DUSP14: variants seen among roughly 807,000 people sequenced by gnomAD.
The protein encoded by DUSP14 is dual specificity phosphatase 14.
Under a neutral mutation model 13.2 loss-of-function variants are expected in DUSP14, and 5 were observed. The ratio of observed to expected loss-of-function variants is 0.38; its 90% CI spans 0.20 to 0.80. The LOEUF is 0.80. Ranked by LOEUF, DUSP14 falls within the 30% of genes least tolerant of loss-of-function variation. DUSP14 has a pLI of 0.44. For synonymous variants in DUSP14, 91 were observed against 103.4 expected (o/e 0.88, Z 0.73); for missense variants, 185 against 264.0 (o/e 0.70, Z 2.07).
intron 1 of DUSP14, among the ~76,000 whole-genome samples, chr17:37,495,433 A>G (rs1416681373): frequency 1.3e-5 from 2 of 152,186 alleles, no homozygotes; most frequent in African/African-American, 2.4e-5. Context: ...GTCCCAGAAC[A>G]GTTTCAGCAT....
At chr17:37,490,836 A>G (rs916438031) in intron 1 of DUSP14, among the ~76,000 whole-genome samples, 2 of 152,062 alleles carry the variant, frequency 1.3e-5, no homozygotes, top group African/African-American at 4.8e-5. Context: ...CGTTTTACAG[A>G]TGTAAAAACG....
Position 37,513,105 on chromosome 17 carries a change from T to G in DUSP14, c.*236T>G. Reference sequence around the variant, plus strand: ...TTGGAATAGTGTTTATGGAAATCTTTAGCTTTTAATCATTTTTACCAATTT... The same window carrying G: ...TTGGAATAGTGTTTATGGAAATCTTGAGCTTTTAATCATTTTTACCAATTT... On this transcript the variant is annotated 3_prime_UTR_variant, in exon 3 of 3. Coordinates refer to ENST00000617516, the MANE Select transcript of DUSP14 (RefSeq NM_007026.4). 1.9e-6 allele frequency: 1 copy of G among 537,876 alleles called. No individual in the cohort carries two copies. Among genetic ancestry groups the G allele is most frequent in the Non-Finnish European group, 3.4e-6 (1 of 298,172 alleles). The allele number at this position is 537,876 out of a possible 1,614,324, so 33.3% of individuals were successfully genotyped here.
At position 37,512,946 on chromosome 17, in the gene DUSP14, T is replaced by C; in HGVS notation, c.*77T>C. On this transcript the variant is annotated 3_prime_UTR_variant, in exon 3 of 3. Transcript: ENST00000617516. The surrounding 1 kb of genome is among the most constrained non-coding windows in gnomAD (Gnocchi z 4.8). ...GCCGTCTGCTCCCTCTCCACTCTCTTCTCAAATGGCTGACTTCTGGTTCTC... is the reference window on the plus strand; with the variant it reads ...GCCGTCTGCTCCCTCTCCACTCTCTCCTCAAATGGCTGACTTCTGGTTCTC... 1.6e-6 allele frequency: 2 copies of C among 1,247,476 alleles called. No homozygotes were observed. Among genetic ancestry groups the C allele is most frequent in the Non-Finnish European group, 2.3e-6 (2 of 888,096 alleles). 77.3% of individuals were successfully genotyped at this position (1,247,476 alleles called of 1,614,324 possible). A position where few individuals can be genotyped will look rare whatever the true frequency, so the allele number is the denominator to read the frequency against.
intron 1 of DUSP14, among the ~76,000 whole-genome samples, chr17:37,502,158 C>A (rs1313241417): frequency 6.6e-6 from 1 of 151,878 alleles, no homozygotes. Context: ...GTTTTGTTTG[C>A]TTATCAAACA....
chr17:37,509,931 AGTTACCT>A (rs2054171948), intron 1 of DUSP14: 2 of 151,340 alleles, frequency 1.3e-5, no homozygotes, highest in African/African-American at 4.9e-5. Flanking sequence ...CAGGTCTGAC[AGTTACCT>A]GGGAAAGGTG....
At chr17:37,511,608 G>A (rs1269896504) in intron 2 of DUSP14, among the ~76,000 whole-genome samples, 2 of 19,494 alleles carry the variant, frequency 1.0e-4, no homozygotes, top group African/African-American at 6.3e-4. Flanking sequence ...TTTTTTAGAA[G>A]CTGGGTCTCC....
intron 1 of DUSP14, among the ~76,000 whole-genome samples, chr17:37,499,953 G>A (rs1043923236): frequency 6.6e-6 from 1 of 152,192 alleles, no homozygotes; most frequent in African/African-American, 2.4e-5. Flanking sequence ...CCTCTGCCTT[G>A]GGACCCCTCT....
At chr17:37,497,274 C>T (rs2054072195) in intron 1 of DUSP14, among the ~76,000 whole-genome samples, 1 of 152,116 alleles carries the variant, frequency 6.6e-6, no homozygotes. Context: ...TCCTGAGTAG[C>T]TGGGATTACG....
intron 1 of DUSP14, among the ~76,000 whole-genome samples, chr17:37,493,273 A>C (rs1401476470): frequency 6.6e-6 from 1 of 151,926 alleles, no homozygotes; most frequent in Non-Finnish European, 1.5e-5. Context: ...CAGTTAGTAC[A>C]TTTTTGTCTT....
chr17:37,501,158 G>A (rs952818779), intron 1 of DUSP14, among the ~76,000 whole-genome samples: 2 of 152,178 alleles, frequency 1.3e-5, no homozygotes, highest in Admixed American at 6.5e-5. Flanking sequence ...ATACTGATCC[G>A]GGAGAGGCTG....
chr17:37,498,015 C>T lies in DUSP14; in HGVS notation c.-181+8057C>T, dbSNP rs145545734. Among the ~76,000 whole-genome samples the T allele has an allele frequency of 5.9e-3, 892 of 150,572 alleles. 13 individuals carry two copies. The highest frequency in any genetic ancestry group is 0.021 in the African/African-American group (847 of 40,980). On this transcript the variant is annotated intron_variant, in intron 1 of 2. Coordinates refer to ENST00000617516, the MANE Select transcript of DUSP14 (RefSeq NM_007026.4). ...GAGCCTAGATTGCACCACTGCACTC[C>T]AGCCTGGGTGACAGAGCAAGACCCT...
Position 37,504,695 on chromosome 17 carries a change from G to A in DUSP14, c.-180-5982G>A, listed in dbSNP as rs550122589. Among the ~76,000 whole-genome samples, 9 of 151,516 alleles carry A rather than the reference G, an allele frequency of 5.9e-5. No individual in the cohort carries two copies. In the East Asian group the frequency reaches 1.6e-3, roughly 26 times the overall value. On this transcript the variant is annotated intron_variant, in intron 1 of 2. Transcript: ENST00000617516. ...CAGACTCAAGTGACCTCCTCATCTC[G>A]GCCTCCTGAGTAGCTGGGATTATAG...
upstream of DUSP14, among the ~76,000 whole-genome samples, chr17:37,489,469 G>A (rs1423755461): frequency 6.6e-6 from 1 of 152,120 alleles, no homozygotes; most frequent in Non-Finnish European, 1.5e-5. Flanking sequence ...AGGCCGTCCC[G>A]AGCCACCCGC....
At chr17:37,490,160 C>CA (rs1001041652) in intron 1 of DUSP14, among the ~76,000 whole-genome samples, 15 of 151,268 alleles carry the variant, frequency 9.9e-5, no homozygotes, top group Non-Finnish European at 1.8e-4. Flanking sequence ...GGAGGAGAGG[C>CA]CCGAGACCTT....
intron 1 of DUSP14, among the ~76,000 whole-genome samples, chr17:37,505,202 A>G (rs1324540195): frequency 6.6e-6 from 1 of 152,208 alleles, no homozygotes; most frequent in African/African-American, 2.4e-5. Context: ...TTGGCCTCCC[A>G]AAGTGCTAGG....
intron 1 of DUSP14, among the ~76,000 whole-genome samples, chr17:37,506,214 G>A (rs77109641): frequency 0.045 from 6,834 of 152,024 alleles, 464 homozygotes; most frequent in East Asian, 0.31. Flanking sequence ...GCAGTGAGCC[G>A]AGATAGCGCC....
intron 1 of DUSP14, among the ~76,000 whole-genome samples, chr17:37,492,334 C>T (rs1003900036): frequency 1.8e-4 from 27 of 152,250 alleles, no homozygotes; most frequent in African/African-American, 6.5e-4. Context: ...CTAAAGCAAC[C>T]AAGGCCTGGG....
rs116479847 is a variant in DUSP14, at chr17:37,509,613, C to T, written c.-180-1064C>T. ...TTGGGATTACAGGCGTGATCCACCA[C>T]GCTTGGCCTATATATATTTATATGC... On this transcript the variant is annotated intron_variant, in intron 1 of 2. Coordinates refer to ENST00000617516, the MANE Select transcript of DUSP14 (RefSeq NM_007026.4). Among the ~76,000 whole-genome samples the T allele has an allele frequency of 7.6e-3, 1,157 of 151,990 alleles. 17 individuals carry two copies. The highest frequency in any genetic ancestry group is 0.026 in the African/African-American group (1,097 of 41,442).
chr17:37,492,531 A>C (rs990151188), intron 1 of DUSP14, among the ~76,000 whole-genome samples: 1 of 152,184 alleles, frequency 6.6e-6, no homozygotes, highest in African/African-American at 2.4e-5. Context: ...TTTACCGAGG[A>C]CTTTTACCAT....
Sources: gnomAD v4.1 joint callset for allele counts (sites outside exome capture counted in the v4.1 genomes callset) on GRCh38, gnomAD v4.1.1 for gene constraint, Gnocchi (gnomAD v3.1) non-coding constraint, MANE v1.5 for transcripts, NCBI Gene and HGNC (gene_info 2026-07-23, HGNC 2026-07-21) for gene names.